Variants in CAMK1D observed in about 807,000 individuals in gnomAD.
The protein encoded by CAMK1D is calcium/calmodulin-dependent protein kinase type 1D.
A neutral mutation model predicts 47.7 loss-of-function variants in CAMK1D; 9 were observed. That is an observed-to-expected ratio of 0.19 (90% CI 0.11 to 0.33). CAMK1D has a LOEUF of 0.33. CAMK1D is among the 10% of genes least tolerant of loss of function. CAMK1D has a pLI of 1.00. For synonymous variants in CAMK1D, 184 were observed against 184.9 expected, an observed-to-expected ratio of 0.99 and a Z score of 0.04; for missense variants, 291 against 488.7, an observed-to-expected ratio of 0.60 and a Z score of 3.81.
At chr10:12,568,645 G>C (rs937027739) in intron 2 of CAMK1D, among the ~76,000 whole-genome samples, 3 of 142,562 alleles carry the variant, frequency 2.1e-5, no homozygotes, top group African/African-American at 7.8e-5. Context: ...GTTTTGTTTT[G>C]AGTGCTTCTT....
chr10:12,646,228 A>C (rs1455985342), intron 2 of CAMK1D, among the ~76,000 whole-genome samples: 3 of 152,168 alleles, frequency 2.0e-5, no homozygotes, highest in Admixed American at 2.0e-4. Flanking sequence ...CTAAAATGTT[A>C]GCCAGCATTT....
chr10:12,582,580 T>C (rs1170137897), intron 2 of CAMK1D, among the ~76,000 whole-genome samples: 3 of 152,194 alleles, frequency 2.0e-5, no homozygotes, highest in African/African-American at 7.2e-5. Flanking sequence ...CTTGTAGAGG[T>C]CTTTTACCTC....
chr10:12,496,857 A>G (rs930380097), intron 1 of CAMK1D, among the ~76,000 whole-genome samples: 1 of 152,102 alleles, frequency 6.6e-6, no homozygotes, highest in African/African-American at 2.4e-5. Context: ...CCTGGCATGC[A>G]TTAGCTATTT....
At chr10:12,747,624 C>G (rs957462783) in intron 3 of CAMK1D, among the ~76,000 whole-genome samples, 4 of 152,148 alleles carry the variant, frequency 2.6e-5, no homozygotes, top group Non-Finnish European at 5.9e-5. Flanking sequence ...CACTGCACCT[C>G]TCCAGAAAGA....
intron 1 of CAMK1D, among the ~76,000 whole-genome samples, chr10:12,417,500 A>G (rs930172502): frequency 2.0e-5 from 3 of 152,162 alleles, no homozygotes; most frequent in Non-Finnish European, 4.4e-5. Flanking sequence ...AGCCAGGGGA[A>G]TTGCTCAGGG....
chr10:12,479,941 C>A (rs533820761), intron 1 of CAMK1D, among the ~76,000 whole-genome samples: 2 of 152,008 alleles, frequency 1.3e-5, no homozygotes, highest in Non-Finnish European at 2.9e-5. Flanking sequence ...CTGCTTTCTG[C>A]CCCCCCAAAT....
At chr10:12,603,989 G>A (rs1209454227) in intron 2 of CAMK1D, among the ~76,000 whole-genome samples, 2 of 152,158 alleles carry the variant, frequency 1.3e-5, no homozygotes, top group South Asian at 2.1e-4. Flanking sequence ...ATGCATGCCT[G>A]CTTCATAGCC....
In CAMK1D at chr10:12,421,511, C is replaced by CTTTTT. The variant is rs71384322; in HGVS notation, c.92+71629_92+71633dup. ...CATGCTGGGCCATTTATCCAGGATT[C>CTTTTT]TTTTTTTTTTTTTTTTTTTTTTTTT... On this transcript the variant is annotated intron_variant, in intron 1 of 10. Transcript: ENST00000619168. 7.7e-3 allele frequency among the ~76,000 whole-genome samples: 389 copies of CTTTTT among 50,748 alleles called. 73 individuals are homozygous for CTTTTT. The highest frequency in any genetic ancestry group is 0.01 in the Non-Finnish European group (317 of 30,566). The allele number at this position is 50,748 out of a possible 152,430, so 33.3% of individuals were successfully genotyped here. A position where few individuals can be genotyped will look rare whatever the true frequency, so the allele number is the denominator to read the frequency against.
chr10:12,607,451 T>C (rs2132403937), intron 2 of CAMK1D, among the ~76,000 whole-genome samples: 1 of 152,328 alleles, frequency 6.6e-6, no homozygotes, highest in South Asian at 2.1e-4. Flanking sequence ...CTAGGCCGTT[T>C]AGTGAGGTGT....
At chr10:12,641,480 G>A (rs1056675546) in intron 2 of CAMK1D, among the ~76,000 whole-genome samples, 1 of 151,878 alleles carries the variant, frequency 6.6e-6, no homozygotes, top group African/African-American at 2.4e-5. Context: ...AAATTAGCTG[G>A]GTGTGGTGGT....
chr10:12,567,985 G>C (rs1366416498), intron 2 of CAMK1D, among the ~76,000 whole-genome samples: 2 of 151,554 alleles, frequency 1.3e-5, no homozygotes, highest in African/African-American at 4.9e-5. Flanking sequence ...ATTGTAGGTG[G>C]GGGCCACTTT....
chr10:12,495,027 A>G (rs924523559), intron 1 of CAMK1D, among the ~76,000 whole-genome samples: 2 of 152,194 alleles, frequency 1.3e-5, no homozygotes, highest in African/African-American at 2.4e-5. Context: ...TCTCATGGAA[A>G]ACCTTCTTAT....
chr10:12,361,535 G>C (rs1188913907), intron 1 of CAMK1D, among the ~76,000 whole-genome samples: 14 of 132,248 alleles, frequency 1.1e-4, no homozygotes, highest in African/African-American at 4.0e-4. Flanking sequence ...ATGAGCCACT[G>C]TGCCTGGCCC....
intron 2 of CAMK1D, among the ~76,000 whole-genome samples, chr10:12,636,883 A>G (rs759878378): frequency 2.6e-5 from 4 of 152,204 alleles, no homozygotes; most frequent in Non-Finnish European, 4.4e-5. Context: ...CTTCCTGTGT[A>G]CTTCAGTGTT....
intron 1 of CAMK1D, among the ~76,000 whole-genome samples, chr10:12,459,872 T>C (rs1833372044): frequency 6.6e-6 from 1 of 152,224 alleles, no homozygotes; most frequent in Non-Finnish European, 1.5e-5. Context: ...GCGGTGTTAT[T>C]GCTTCCAGCA....
intron 1 of CAMK1D, among the ~76,000 whole-genome samples, chr10:12,514,778 A>G (rs1835139719): frequency 1.3e-5 from 2 of 152,268 alleles, no homozygotes; most frequent in South Asian, 4.1e-4. Context: ...TGTCTAATAC[A>G]ATGTGTGGTA....
At chr10:12,514,508 A>G (rs1159633219) in intron 1 of CAMK1D, among the ~76,000 whole-genome samples, 1 of 152,224 alleles carries the variant, frequency 6.6e-6, no homozygotes, top group Admixed American at 6.5e-5. Flanking sequence ...ACATGGTGAG[A>G]TAGAGATAGG....
In CAMK1D at chr10:12,365,878, C is replaced by T. The variant is rs188029043; in HGVS notation, c.92+15968C>T. ...GACCAGTCTGGCCAACATGGTGAAA[C>T]CCTGCCTCTACTAAAAAATACAAAA... On this transcript the variant is annotated intron_variant, in intron 1 of 10. Coordinates refer to ENST00000619168, the MANE Select transcript of CAMK1D (RefSeq NM_153498.4). Among the ~76,000 whole-genome samples, 475 of 152,184 alleles carry T rather than the reference C, an allele frequency of 3.1e-3. 5 individuals carry two copies. The highest frequency in any genetic ancestry group is 6.8e-3 in the Middle Eastern group (2 of 294).
At chr10:12,709,496 C>T (rs986701357) in intron 3 of CAMK1D, among the ~76,000 whole-genome samples, 2 of 152,004 alleles carry the variant, frequency 1.3e-5, no homozygotes, top group Non-Finnish European at 2.9e-5. Context: ...ATTCTGAAAT[C>T]TTAGGGGAAT....
Sources: gnomAD v4.1 joint callset for allele counts (sites outside exome capture counted in the v4.1 genomes callset) on GRCh38, gnomAD v4.1.1 for gene constraint, MANE v1.5 for transcripts, NCBI Gene and HGNC (gene_info 2026-07-23, HGNC 2026-07-21) for gene names.